Variants in PISD observed in about 807,000 individuals in gnomAD.
PISD encodes the protein phosphatidylserine decarboxylase, also known as phosphatidylserine decarboxylase proenzyme, mitochondrial.
Under a neutral mutation model 43.5 loss-of-function variants are expected in PISD, and 31 were observed. The ratio of observed to expected loss-of-function variants is 0.71; its 90% CI spans 0.54 to 0.96. The LOEUF (loss-of-function observed/expected upper bound fraction) is 0.96, where lower values mean the gene tolerates loss of function less well. Ranked by LOEUF, PISD falls within the 40% of genes least tolerant of loss-of-function variation. The pLI, the probability that PISD is intolerant of heterozygous loss-of-function variation, is 0.00. For synonymous variants in PISD, 259 were observed against 228.7 expected, an observed-to-expected ratio of 1.13 and a Z score of -1.20; for missense variants, 523 against 548.4, an observed-to-expected ratio of 0.95 and a Z score of 0.46.
chr22:31,641,404 A>G (rs2073721671), intron 3 of PISD, among the ~76,000 whole-genome samples: 1 of 152,170 alleles, frequency 6.6e-6, no homozygotes, highest in Non-Finnish European at 1.5e-5. Context: ...GATGGCTACT[A>G]AGTGACTTAT....
chr22:31,641,828 A>G (rs1601411320), intron 3 of PISD, among the ~76,000 whole-genome samples: 1 of 151,032 alleles, frequency 6.6e-6, no homozygotes, highest in African/African-American at 2.5e-5. Context: ...TCAAAAAATA[A>G]TAATAATAAT....
rs188549376 is a variant in PISD, at chr22:31,653,753, C to T, written c.66-2975G>A. Among the ~76,000 whole-genome samples, 3 of 152,204 alleles carry T rather than the reference C, an allele frequency of 2.0e-5. No homozygotes were observed. In the East Asian group the frequency reaches 5.8e-4, roughly 29 times the overall value. On this transcript the variant is annotated intron_variant, in intron 1 of 7. Coordinates refer to ENST00000439502, the MANE Select transcript of PISD (RefSeq NM_001326411.2). ...ATTCCAGCACTTTGGGAGGCCAAGG[C>T]GGGTGGATCACTTGAGGTCAGGAGT...
rs527610162 is a variant in PISD, at chr22:31,659,968, C to G, written c.65+2176G>C. On this transcript the variant is annotated intron_variant, in intron 1 of 7. Transcript: ENST00000439502. Reference sequence around the variant, plus strand: ...TCTCTATTTCTAACAAGCATCCCAGCCCATTCAGCCCATTCTTTTATCAAA... The same window carrying G: ...TCTCTATTTCTAACAAGCATCCCAGGCCATTCAGCCCATTCTTTTATCAAA... 3.9e-5 allele frequency among the ~76,000 whole-genome samples: 6 copies of G among 152,170 alleles called. No individual in the cohort carries two copies. In the South Asian group the frequency reaches 1.2e-3, roughly 32 times the overall value.
chr22:31,619,412 G>A lies in PISD; in HGVS notation c.*200C>T. 4.5e-6 allele frequency: 3 copies of A among 674,078 alleles called. No individual in the cohort carries two copies. Among genetic ancestry groups the A allele is most frequent in the South Asian group, 3.0e-5 (2 of 66,298 alleles). The allele number at this position is 674,078 out of a possible 1,614,324, so 41.8% of individuals were successfully genotyped here. ...GGCAGAAGGAACGGGATAGGTTGAG[G>A]GGCATGATGGGGGCTCTCGCCACCT... On this transcript the variant is annotated 3_prime_UTR_variant, in exon 8 of 8. Transcript: ENST00000439502.
chr22:31,626,541 A>C (rs755905156), intron 3 of PISD, among the ~76,000 whole-genome samples: 7 of 151,632 alleles, frequency 4.6e-5, no homozygotes, highest in Admixed American at 2.6e-4. Context: ...CCACCAACAC[A>C]CACACAAAAT....
At chr22:31,624,154 C>T (rs943860823) in intron 3 of PISD, among the ~76,000 whole-genome samples, 1 of 152,232 alleles carries the variant, frequency 6.6e-6, no homozygotes, top group Non-Finnish European at 1.5e-5. Flanking sequence ...GGCCCAGCTG[C>T]GGGGCACCTC....
At chr22:31,654,318 C>G (rs2074109018) in intron 1 of PISD, among the ~76,000 whole-genome samples, 1 of 152,096 alleles carries the variant, frequency 6.6e-6, no homozygotes, top group South Asian at 2.1e-4. Flanking sequence ...CCTTTGCTTC[C>G]TAACTGTGGA....
chr22:31,656,200 C>G (rs568147195), intron 1 of PISD, among the ~76,000 whole-genome samples: 1 of 151,934 alleles, frequency 6.6e-6, no homozygotes, highest in Non-Finnish European at 1.5e-5. Context: ...AAAAATTAGA[C>G]GGGTGTGATG....
chr22:31,632,163 C>T (rs1160200819), intron 3 of PISD: 1 of 842,940 alleles, frequency 1.2e-6, no homozygotes. Context: ...GTCACAGCCC[C>T]ATACACCTGT....
intron 2 of PISD, 124 bp downstream of exon 2, chr22:31,650,575 C>A (rs2147792367): frequency 5.5e-6 from 3 of 547,898 alleles, no homozygotes; most frequent in East Asian, 6.2e-5. Context: ...GTGATAACTG[C>A]ATGCCAGGTA....
intron 3 of PISD, chr22:31,623,661 C>A: frequency 6.2e-7 from 1 of 1,603,098 alleles, no homozygotes; most frequent in Non-Finnish European, 8.5e-7. Context: ...AGGTCCGAGC[C>A]ACAGGGGCCT....
intron 6 of PISD, 52 bp from the exon 7 acceptor site, chr22:31,620,765 C>T (rs748282653): frequency 6.2e-6 from 10 of 1,600,862 alleles, no homozygotes; most frequent in South Asian, 5.5e-5. Flanking sequence ...GGTGTGTCCA[C>T]CCCATGGCAG....
At chr22:31,621,291 C>T (rs2072552796) in intron 5 of PISD, 43 bp downstream of exon 5, 2 of 1,612,330 alleles carry the variant, frequency 1.2e-6, no homozygotes, top group Non-Finnish European at 1.7e-6. Flanking sequence ...GGTCCAGCCA[C>T]ACAGCAGCAG....
rs773404778 is a variant in PISD, at chr22:31,619,793, T to C, written c.1049A>G (p.Asn350Ser). 14 of 1,614,018 alleles carry C rather than the reference T, an allele frequency of 8.7e-6. No individual in the cohort carries two copies. In the East Asian group the frequency reaches 1.6e-4, roughly 18 times the overall value. The change falls in exon 8 of 8, where the codon AAT becomes AGT. Residue 350 changes from asparagine (N) to serine (S), a missense_variant. Physicochemically the swap from Asn to Ser is conservative, Grantham distance 46 (BLOSUM62 1). Coordinates refer to ENST00000439502, the MANE Select transcript of PISD (RefSeq NM_001326411.2). ...NSPRHSKGSYNDFSFVTHTNR... is the reference protein window; with the variant it reads ...NSPRHSKGSYSDFSFVTHTNR... ...GGTGTGCGTCACGAAGCTGAAGTCATTGTAGGAGCCCTTGCTGTGCCTTGG... is the reference window on the plus strand; with the variant it reads ...GGTGTGCGTCACGAAGCTGAAGTCACTGTAGGAGCCCTTGCTGTGCCTTGG...
intron 3 of PISD, among the ~76,000 whole-genome samples, chr22:31,637,157 AAAAAAAAATATAT>A (rs1304768904): frequency 2.2e-3 from 82 of 36,926 alleles, no homozygotes; most frequent in Non-Finnish European, 3.1e-3. Flanking sequence ...AAAAAAAAAA[AAAAAAAAATATAT>A]ATATATATAT....
intron 3 of PISD, chr22:31,628,733 C>G: frequency 1.4e-6 from 1 of 694,874 alleles, no homozygotes; most frequent in Non-Finnish European, 1.8e-6. Context: ...GGAAATTCCT[C>G]CTGGCCACCC....
intron 3 of PISD, chr22:31,625,622 G>A: frequency 9.3e-7 from 1 of 1,079,558 alleles, no homozygotes; most frequent in Non-Finnish European, 1.3e-6. Context: ...GGCCCCCCAG[G>A]CCAGGCTCCT....
At position 31,619,060 on chromosome 22, in the gene PISD, C is replaced by CAAAG. The variant is rs1411801959; in HGVS notation, c.*548_*551dup. 9 of 234,772 alleles carry CAAAG rather than the reference C, an allele frequency of 3.8e-5. No homozygotes were observed. In the East Asian group the frequency reaches 4.6e-4, roughly 12 times the overall value. 14.5% of individuals were successfully genotyped at this position (234,772 alleles called of 1,614,324 possible). A position where few individuals can be genotyped will look rare whatever the true frequency, so the allele number is the denominator to read the frequency against. On this transcript the variant is annotated 3_prime_UTR_variant, in exon 8 of 8. Coordinates refer to ENST00000439502, the MANE Select transcript of PISD (RefSeq NM_001326411.2). ...AGGGTGATGCGTTCAGCCACAAGCA[C>CAAAG]AAAGACTGCTTTTTCTAAAGAGCAG...
intron 1 of PISD, among the ~76,000 whole-genome samples, chr22:31,653,038 TAAAA>T (rs36011234): frequency 8.7e-6 from 1 of 114,386 alleles, no homozygotes; most frequent in Non-Finnish European, 1.8e-5. Context: ...GACCCTACCT[TAAAA>T]AAAAAAAAAA....
Sources: allele counts gnomAD v4.1 joint callset (sites outside exome capture counted in the v4.1 genomes callset), GRCh38; gene constraint gnomAD v4.1.1; transcripts MANE v1.5; gene names NCBI Gene and HGNC (gene_info 2026-07-23, HGNC 2026-07-21).